Variants in TCF4 observed in about 807,000 individuals in gnomAD.
TCF4 encodes SL3-3 enhancer factor 2.
In TCF4, 3 loss-of-function variants were observed where a neutral mutation model predicts 82.1. The observed-to-expected ratio is 0.04, with a 90% CI of 0.02 to 0.09. The LOEUF (loss-of-function observed/expected upper bound fraction) is 0.09. Among genes scored for constraint, TCF4 ranks in the 10% least tolerant of loss-of-function variants. The pLI is 1.00. For synonymous variants in TCF4, 276 were observed against 309.6 expected (o/e 0.89, Z 1.14); for missense variants, 518 against 852.7 (o/e 0.61, Z 4.89).
At chr18:55,391,531 C>A (rs1291660939) in intron 6 of TCF4, among the ~76,000 whole-genome samples, 1 of 151,868 alleles carries the variant, frequency 6.6e-6, no homozygotes, top group African/African-American at 2.4e-5. Context: ...CAGTGGGGCA[C>A]AAAATACCCT....
At chr18:55,568,912 A>T (rs543568547) in intron 3 of TCF4, among the ~76,000 whole-genome samples, 13 of 152,328 alleles carry the variant, frequency 8.5e-5, no homozygotes, top group African/African-American at 2.9e-4. Flanking sequence ...AATTTCATCC[A>T]CAAAATGCAA....
intron 8 of TCF4, among the ~76,000 whole-genome samples, chr18:55,348,355 G>C (rs1459456411): frequency 1.3e-5 from 2 of 151,782 alleles, no homozygotes; most frequent in African/African-American, 4.8e-5. Context: ...TCAGAAAAAA[G>C]GCTATTCATC....
At chr18:55,466,454 G>A (rs941878638) in intron 3 of TCF4, among the ~76,000 whole-genome samples, 2 of 152,026 alleles carry the variant, frequency 1.3e-5, no homozygotes, top group African/African-American at 4.8e-5. Context: ...CTACGATTGT[G>A]CCACTGCACT....
Position 55,580,166 on chromosome 18 carries a change from C to T in TCF4, c.145+5114G>A, listed in dbSNP as rs185379671. On this transcript the variant is annotated intron_variant, in intron 3 of 19. Coordinates refer to ENST00000354452, the MANE Select transcript of TCF4 (RefSeq NM_001083962.2). ...TAAGTCAGTGTCAAATAGAGTACTG[C>T]TTCTGCCTTCTGAATTTAGAAAATG... Among the ~76,000 whole-genome samples the T allele has an allele frequency of 2.3e-3, 346 of 152,080 alleles. 2 individuals are homozygous for T. Among genetic ancestry groups the T allele is most frequent in the African/African-American group, 7.8e-3 (324 of 41,548 alleles).
chr18:55,317,234 A>G (rs1278976329), intron 8 of TCF4, among the ~76,000 whole-genome samples: 1 of 152,066 alleles, frequency 6.6e-6, no homozygotes, highest in African/African-American at 2.4e-5. Flanking sequence ...TTTTTCCTAC[A>G]TGCTTTCTCT....
chr18:55,365,353 C>T (rs2086735545), intron 6 of TCF4, among the ~76,000 whole-genome samples: 1 of 150,598 alleles, frequency 6.6e-6, no homozygotes, highest in African/African-American at 2.5e-5. Context: ...TCTGTTAAGG[C>T]TTACTTCCTT....
intron 3 of TCF4, chr18:55,482,673 C>G (rs2096456734): frequency 6.6e-6 from 1 of 152,188 alleles, no homozygotes; most frequent in South Asian, 2.1e-4. Flanking sequence ...TTGTGAACAT[C>G]AAGGTCATCC....
At chr18:55,395,363 G>A (rs190232394) in intron 6 of TCF4, among the ~76,000 whole-genome samples, 15 of 152,292 alleles carry the variant, frequency 9.8e-5, no homozygotes, top group Admixed American at 3.3e-4. Flanking sequence ...ATTGCTAGAA[G>A]CTATTTTAAA....
chr18:55,336,233 T>G (rs2078601814), intron 8 of TCF4, among the ~76,000 whole-genome samples: 2 of 152,108 alleles, frequency 1.3e-5, no homozygotes, highest in Non-Finnish European at 2.9e-5. Flanking sequence ...AAAATGAATT[T>G]AAATATAATT....
chr18:55,562,134 A>C (rs2097360518), intron 3 of TCF4, among the ~76,000 whole-genome samples: 1 of 152,178 alleles, frequency 6.6e-6, no homozygotes, highest in Non-Finnish European at 1.5e-5. Context: ...AACTGGCTTC[A>C]TGCTACAACA....
At chr18:55,285,728 T>C (rs968731439) in intron 8 of TCF4, among the ~76,000 whole-genome samples, 2 of 152,196 alleles carry the variant, frequency 1.3e-5, no homozygotes, top group African/African-American at 4.8e-5. Context: ...GGGCCATGTT[T>C]GCCACTCGCC....
At chr18:55,232,280 G>T in intron 17 of TCF4, 1 of 505,222 alleles carries the variant, frequency 2.0e-6, no homozygotes, top group Non-Finnish European at 3.5e-6. Flanking sequence ...TTTTCACTGT[G>T]TGTCATTAGC....
chr18:55,412,620 T>A (rs1357402936), intron 5 of TCF4, among the ~76,000 whole-genome samples: 1 of 152,284 alleles, frequency 6.6e-6, no homozygotes, highest in Admixed American at 6.5e-5. Flanking sequence ...TGTGGAGGCA[T>A]GACAAGTCCA....
At chr18:55,439,889 A>AT (rs2095407738) in intron 5 of TCF4, among the ~76,000 whole-genome samples, 1 of 151,454 alleles carries the variant, frequency 6.6e-6, no homozygotes, top group African/African-American at 2.4e-5. Context: ...CGCCTGGCTA[A>AT]TTTTTTGTAT....
chr18:55,582,191 T>C (rs2097581539), intron 3 of TCF4, among the ~76,000 whole-genome samples: 1 of 152,136 alleles, frequency 6.6e-6, no homozygotes, highest in South Asian at 2.1e-4. Context: ...ACTCTTTAGA[T>C]GATTTTCTTT....
intron 6 of TCF4, among the ~76,000 whole-genome samples, chr18:55,387,357 G>A (rs977337187): frequency 1.7e-4 from 26 of 152,180 alleles, no homozygotes; most frequent in Admixed American, 1.6e-3. Flanking sequence ...GATAGTCAAG[G>A]CTCTCTCTAG....
chr18:55,304,991 T>C (rs535714661), intron 8 of TCF4, among the ~76,000 whole-genome samples: 38 of 152,232 alleles, frequency 2.5e-4, no homozygotes, highest in Middle Eastern at 3.4e-3. Context: ...GTGACAGCAG[T>C]TTCAGGTGAC....
At position 55,633,586 on chromosome 18, in the gene TCF4, C is replaced by A. The variant is rs1037108086; in HGVS notation, c.195+2117G>T. On this transcript the variant is annotated intron_variant, in intron 1 of 20. Coordinates refer to the TCF4 transcript ENST00000398339. This position sits in a 1 kb window ranked among gnomAD's most constrained non-coding sequence, Gnocchi z 4.0. ...AGGATTTGTGGACATATTTTAAACC[C>A]AGAATACCTGGGGAGATACTATAGC... Among the ~76,000 whole-genome samples, 1 of 152,078 alleles carries A rather than the reference C, an allele frequency of 6.6e-6. No homozygotes were observed. Among genetic ancestry groups the A allele is most frequent in the Admixed American group, 6.6e-5 (1 of 15,266 alleles).
intron 3 of TCF4, among the ~76,000 whole-genome samples, chr18:55,467,939 A>G (rs569441588): frequency 7.1e-4 from 108 of 152,298 alleles, no homozygotes; most frequent in Non-Finnish European, 1.3e-3. Flanking sequence ...GATGGGTTAG[A>G]AAACTTGCCC....
Sources: allele counts gnomAD v4.1 joint callset (sites outside exome capture counted in the v4.1 genomes callset), GRCh38; gene constraint gnomAD v4.1.1; non-coding constraint Gnocchi (gnomAD v3.1); transcripts MANE v1.5; gene names NCBI Gene and HGNC (gene_info 2026-07-23, HGNC 2026-07-21).